Variants in SIM2 observed in about 807,000 individuals in gnomAD.
SIM2 encodes the protein SIM bHLH transcription factor 2.
Under a neutral mutation model 64.8 loss-of-function variants are expected in SIM2, and 28 were observed. That is an observed-to-expected ratio of 0.43 (90% CI 0.32 to 0.59). SIM2 has a LOEUF of 0.59. Ranked by LOEUF, SIM2 falls within the 20% of genes least tolerant of loss-of-function variation. The pLI is 0.07. For missense variants in SIM2, 847 were observed against 871.4 expected (o/e 0.97, Z 0.35); for synonymous variants, 408 against 391.1 (o/e 1.04, Z -0.51).
rs1230039903 is a variant in SIM2, at chr21:36,744,602, G to T, written c.1168-126G>T. The T allele has an allele frequency of 5.0e-6, 6 of 1,191,204 alleles. No homozygotes were observed. In the Admixed American group the frequency reaches 8.5e-5, roughly 17 times the overall value. 73.8% of individuals were successfully genotyped at this position (1,191,204 alleles called of 1,614,324 possible). On this transcript the variant is annotated intron_variant, in intron 9 of 10. Coordinates refer to ENST00000290399, the MANE Select transcript of SIM2 (RefSeq NM_005069.6). The stretch of plus-strand genomic sequence containing the variant: ...TGCCTGTCCCCAGTGGGACCTTGCA[G>T]TGGTGGCGAGGGTAGGGGCAGCCCT...
intron 3 of SIM2, among the ~76,000 whole-genome samples, chr21:36,718,423 G>A (rs977626736): frequency 1.3e-5 from 2 of 152,210 alleles, no homozygotes; most frequent in Non-Finnish European, 1.5e-5. Flanking sequence ...CTGATGGAGA[G>A]CCACAGGCTC....
At chr21:36,712,671 C>G (rs773971244) in intron 3 of SIM2, 49 bp downstream of exon 3, 5 of 1,315,150 alleles carry the variant, frequency 3.8e-6, no homozygotes, top group African/African-American at 1.5e-5. Context: ...AACGAAGTGA[C>G]AGCAGATTTT....
intron 8 of SIM2, 33 bp from the exon 9 acceptor site, chr21:36,743,354 C>A (rs2123503830): frequency 6.3e-7 from 1 of 1,587,668 alleles, no homozygotes; most frequent in Non-Finnish European, 8.6e-7. Context: ...CCAGCGCCTG[C>A]TGGACATGAC....
rs1261869384 is a variant in SIM2, at chr21:36,749,170, A to G, written c.*1078A>G. On this transcript the variant is annotated 3_prime_UTR_variant, in exon 11 of 11. Coordinates refer to ENST00000290399, the MANE Select transcript of SIM2 (RefSeq NM_005069.6). The stretch of plus-strand genomic sequence containing the variant: ...ATAAAGCACCAGCAGTGTTTAAAAA[A>G]TGAGCTTCCATTAATTTTTACTTTT... 6.5e-6 allele frequency: 1 copy of G among 152,694 alleles called. No individual in the cohort carries two copies. The highest frequency in any genetic ancestry group is 1.5e-5 in the Non-Finnish European group (1 of 68,040). The allele number at this position is 152,694 out of a possible 1,614,324, so 9.5% of individuals were successfully genotyped here. A position where few individuals can be genotyped will look rare whatever the true frequency, so the allele number is the denominator to read the frequency against.
intron 7 of SIM2, among the ~76,000 whole-genome samples, chr21:36,736,759 C>T (rs1261210260): frequency 6.9e-6 from 1 of 144,028 alleles, no homozygotes; most frequent in African/African-American, 2.6e-5. Context: ...TTTCCTCCCT[C>T]CCTCCCTTTC....
rs2089162753 is a variant in SIM2 at position 36,741,780 on chromosome 21, T to A, written c.914T>A (p.Val305Glu). The part of the protein sequence containing the change: ...YRLLSKRGGW[V>E]WVQSYATVVH... ...CTGCTGTCCAAGCGGGGCGGCTGGG[T>A]GTGGGTGCAGAGCTACGCCACCGTG... The change falls in exon 8 of 11, where the codon GTG becomes GAG. Residue 305 changes from valine to glutamate, a missense_variant. By Grantham distance (121) the Val-to-Glu change is moderately radical. This residue lies in a region of SIM2 where 397 missense variants were observed against 439.2 expected (regional missense o/e 0.90). Transcript: ENST00000290399. 1 of 1,612,804 alleles carries A rather than the reference T, an allele frequency of 6.2e-7. No homozygotes were observed. The highest frequency in any genetic ancestry group is 1.3e-5 in the African/African-American group (1 of 74,930).
chr21:36,741,638 A>G lies in SIM2; in HGVS notation c.851-79A>G, dbSNP rs1257438075. The G allele has an allele frequency of 3.3e-6, 5 of 1,524,592 alleles. No homozygotes were observed. The Admixed American group carries it at 9.0e-5, about 28-fold the overall frequency. 94.4% of individuals were successfully genotyped at this position (1,524,592 alleles called of 1,614,324 possible). A position where few individuals can be genotyped will look rare whatever the true frequency, so the allele number is the denominator to read the frequency against. On this transcript the variant is annotated intron_variant, in intron 7 of 10. Transcript: ENST00000290399. ...AAGTTCTCAGAGGTGTCCTTGGGACAGAGGTCACCGTTGGGGGCAGCATCC... is the reference window on the plus strand; with the variant it reads ...AAGTTCTCAGAGGTGTCCTTGGGACGGAGGTCACCGTTGGGGGCAGCATCC...
chr21:36,747,716 TC>T lies in SIM2; in HGVS notation c.1631del (p.Pro544ArgfsTer162). On this transcript the variant is annotated frameshift_variant, in exon 11 of 11. Transcript: ENST00000290399. LOFTEE classifies it low-confidence loss of function (END_TRUNC). This position sits in a 1 kb window ranked among gnomAD's most constrained non-coding sequence, Gnocchi z 4.5. ...GGCGAGGACACCGCGCCCCCGAGCT[TC>T]CCGAGCTGCGGCCACTACCGCGAGG... ...RFGEDTAPPSFPSCGHYREEP... is the reference protein window; with the variant it reads ...RFGEDTAPPSXPSCGHYREEP... 1 of 1,275,302 alleles carries T rather than the reference TC, an allele frequency of 7.8e-7. No individual in the cohort carries two copies. Among genetic ancestry groups the T allele is most frequent in the South Asian group, 2.5e-5 (1 of 40,574 alleles). The allele number at this position is 1,275,302 out of a possible 1,614,324, so 79.0% of individuals were successfully genotyped here.
chr21:36,723,332 T>C (rs372288002), intron 5 of SIM2, among the ~76,000 whole-genome samples: 19 of 152,240 alleles, frequency 1.2e-4, no homozygotes, highest in African/African-American at 3.6e-4. Flanking sequence ...TGGCTGGAAT[T>C]CATCGCATAA....
Position 36,723,114 on chromosome 21 carries a change from C to T in SIM2, c.527C>T (p.Thr176Ile). Reference sequence around the variant, plus strand: ...TTGGCGAAAAGGAACGCGGGCCTGACCTGCAGCGGATACAAGGTACGGGGA... The same window carrying T: ...TTGGCGAAAAGGAACGCGGGCCTGATCTGCAGCGGATACAAGGTACGGGGA... Reference protein sequence around the residue: ...CVLAKRNAGLTCSGYKVIHCS... With the variant: ...CVLAKRNAGLICSGYKVIHCS... Residue 176 changes from threonine to isoleucine, a missense_variant, in exon 5 of 11, where the codon ACC becomes ATC. Transcript: ENST00000290399. 1.2e-6 allele frequency: 2 copies of T among 1,614,040 alleles called. No individual in the cohort carries two copies. The highest frequency in any genetic ancestry group is 1.7e-6 in the Non-Finnish European group (2 of 1,179,950).
chr21:36,704,607 G>A (rs920071188), intron 1 of SIM2, among the ~76,000 whole-genome samples: 5 of 152,204 alleles, frequency 3.3e-5, no homozygotes, highest in African/African-American at 1.2e-4. Flanking sequence ...CCTGAACCCC[G>A]GGGCGGAAAG....
At chr21:36,735,471 A>C (rs1346530084) in intron 7 of SIM2, among the ~76,000 whole-genome samples, 2 of 152,178 alleles carry the variant, frequency 1.3e-5, no homozygotes, top group East Asian at 1.9e-4. Flanking sequence ...GGCTGACAGG[A>C]GCGTCCTTAC....
intron 7 of SIM2, among the ~76,000 whole-genome samples, chr21:36,735,660 T>C (rs947750167): frequency 6.6e-6 from 1 of 152,176 alleles, no homozygotes; most frequent in African/African-American, 2.4e-5. Context: ...GATGCTTTTG[T>C]CTTGTGGTGT....
rs576964789 is a variant in SIM2, at chr21:36,726,797, G to A, written c.743+479G>A. The stretch of plus-strand genomic sequence containing the variant: ...GAAGCCACCACAGGGCTGAGGCTGG[G>A]AGCAGAGACGCTATCTACCCTGGGG... On this transcript the variant is annotated intron_variant, in intron 6 of 10. Transcript: ENST00000290399. This position sits in a 1 kb window ranked among gnomAD's most constrained non-coding sequence, Gnocchi z 4.5. Among the ~76,000 whole-genome samples, 1 of 152,258 alleles carries A rather than the reference G, an allele frequency of 6.6e-6. No homozygotes were observed. Among genetic ancestry groups the A allele is most frequent in the East Asian group, 1.9e-4 (1 of 5,170 alleles).
At chr21:36,740,043 G>GAAAGAAAGAAAC (rs1325646579) in intron 7 of SIM2, among the ~76,000 whole-genome samples, 3 of 140,450 alleles carry the variant, frequency 2.1e-5, no homozygotes, top group African/African-American at 7.7e-5. Flanking sequence ...AAGAAAGAAA[G>GAAAGAAAGAAAC]AAAGAAAGAA....
At chr21:36,731,749 T>C (rs1323041911) in intron 7 of SIM2, among the ~76,000 whole-genome samples, 1 of 152,150 alleles carries the variant, frequency 6.6e-6, no homozygotes, top group African/African-American at 2.4e-5. Context: ...AGAGGTCATC[T>C]TGGGACGGGG....
intron 7 of SIM2, among the ~76,000 whole-genome samples, chr21:36,736,030 C>G (rs2089042360): frequency 6.6e-6 from 1 of 152,226 alleles, no homozygotes; most frequent in South Asian, 2.1e-4. Context: ...TCAAGTCTTT[C>G]AACTCCATCA....
In SIM2 at chr21:36,726,743, G is replaced by T. The variant is rs2088897075; in HGVS notation, c.743+425G>T. ...AAAATTTCCACCCTGTGTGCGGTGT[G>T]TGGGGGGCCTTGGCACTCAGGCTGG... On this transcript the variant is annotated intron_variant, in intron 6 of 10. Coordinates refer to ENST00000290399, the MANE Select transcript of SIM2 (RefSeq NM_005069.6). The surrounding 1 kb of genome is among the most constrained non-coding windows in gnomAD (Gnocchi z 4.5). 6.6e-6 allele frequency among the ~76,000 whole-genome samples: 1 copy of T among 152,182 alleles called. No homozygotes were observed. The highest frequency in any genetic ancestry group is 1.5e-5 in the Non-Finnish European group (1 of 68,042).
intron 1 of SIM2, among the ~76,000 whole-genome samples, chr21:36,706,640 G>A (rs954963486): frequency 1.3e-5 from 2 of 152,200 alleles, no homozygotes; most frequent in African/African-American, 2.4e-5. Context: ...TTTAGTCTCT[G>A]CGTTTAGACC....
Sources: allele counts gnomAD v4.1 joint callset (sites outside exome capture counted in the v4.1 genomes callset), GRCh38; gene constraint gnomAD v4.1.1; regional missense constraint gnomAD v4.1.1; non-coding constraint Gnocchi (gnomAD v3.1); transcripts MANE v1.5; gene names NCBI Gene and HGNC (gene_info 2026-07-23, HGNC 2026-07-21).